The following ACACB variants were observed in gnomAD, a reference collection of about 807,000 sequenced individuals.
ACACB encodes the protein acetyl-CoA carboxylase 2.
In ACACB, 209 loss-of-function variants were observed where a neutral mutation model predicts 278.8. The ratio of observed to expected loss-of-function variants is 0.75; its 90% CI spans 0.67 to 0.84. ACACB has a LOEUF of 0.84. Ranked by LOEUF, ACACB falls within the 40% of genes least tolerant of loss-of-function variation. The pLI is 0.00. For synonymous variants in ACACB, 1,174 were observed against 1,285.6 expected, an observed-to-expected ratio of 0.91 and a Z score of 1.86; for missense variants, 2,850 against 3,269.0, an observed-to-expected ratio of 0.87 and a Z score of 3.13.
chr12:109,223,790 T>G, intron 26 of ACACB, 25 bp from the exon 27 acceptor site: 1 of 1,593,400 alleles, frequency 6.3e-7, no homozygotes, highest in Non-Finnish European at 8.6e-7. Flanking sequence ...TACTTTTCCT[T>G]GTTTCCCCTT....
intron 13 of ACACB, among the ~76,000 whole-genome samples, chr12:109,189,865 C>A (rs2044802941): frequency 6.6e-6 from 1 of 152,210 alleles, no homozygotes; most frequent in African/African-American, 2.4e-5. Flanking sequence ...AATCCCAGCA[C>A]TTTGGGAGGC....
chr12:109,248,654 AGCC>A (rs2047013295), intron 40 of ACACB, among the ~76,000 whole-genome samples: 1 of 152,168 alleles, frequency 6.6e-6, no homozygotes, highest in Non-Finnish European at 1.5e-5. Flanking sequence ...TGCTTTTTCT[AGCC>A]GCGCTGGCAG....
intron 40 of ACACB, 73 bp downstream of exon 40, chr12:109,247,776 G>A: frequency 2.3e-6 from 3 of 1,278,290 alleles, no homozygotes; most frequent in South Asian, 1.2e-5. Context: ...CTCGGGGCTT[G>A]TGGCGATATT....
chr12:109,238,617 T>C (rs973127801), intron 34 of ACACB, among the ~76,000 whole-genome samples: 2 of 149,496 alleles, frequency 1.3e-5, no homozygotes, highest in African/African-American at 2.5e-5. Flanking sequence ...CAGGCTGGAG[T>C]GCAATGGCAC....
intron 1 of ACACB, among the ~76,000 whole-genome samples, chr12:109,117,833 G>A (rs150266916): frequency 7.9e-5 from 12 of 152,146 alleles, no homozygotes; most frequent in African/African-American, 2.4e-4. Context: ...TGCAAGCTCC[G>A]CCTCCTGGGT....
chr12:109,146,787 G>A (rs1367784477), intron 2 of ACACB, among the ~76,000 whole-genome samples: 3 of 151,976 alleles, frequency 2.0e-5, no homozygotes, highest in Admixed American at 2.0e-4. Context: ...TGATCCTCCC[G>A]TCTCAGCCTC....
At chr12:109,121,093 C>T (rs547530255) in intron 1 of ACACB, among the ~76,000 whole-genome samples, 44 of 152,214 alleles carry the variant, frequency 2.9e-4, no homozygotes, top group Non-Finnish European at 5.1e-4. Context: ...GTGCATATCA[C>T]CACACTCGGC....
At chr12:109,154,506 A>C (rs1036783503) in intron 2 of ACACB, among the ~76,000 whole-genome samples, 1 of 152,128 alleles carries the variant, frequency 6.6e-6, no homozygotes, top group African/African-American at 2.4e-5. Flanking sequence ...AAAAATATAT[A>C]TCTCCGCAGC....
At position 109,246,442 on chromosome 12, in the gene ACACB, C is replaced by T; in HGVS notation, c.5565C>T (p.Pro1855=). The change falls in exon 39 of 53, where the codon CCC becomes CCT. Residue 1855 remains proline (P), a synonymous_variant. Transcript: ENST00000338432. The stretch of plus-strand genomic sequence containing the variant: ...TGGCTTGGGTGGACCCAGAAGACCC[C>T]CACAAAGTACGTCGTGAAACTGGCG... ...FHVAWVDPED[P]HKGFKYLYLT... 6.2e-7 allele frequency: 1 copy of T among 1,608,620 alleles called. No homozygotes were observed. The highest frequency in any genetic ancestry group is 1.3e-5 in the African/African-American group (1 of 74,834).
chr12:109,247,957 C>G (rs573461604), intron 40 of ACACB, among the ~76,000 whole-genome samples: 4 of 152,218 alleles, frequency 2.6e-5, no homozygotes, highest in African/African-American at 9.6e-5. Flanking sequence ...ATTGGATTCT[C>G]GTGAATCTCC....
Position 109,116,694 on chromosome 12 carries a change from G to A in ACACB, c.-20G>A, listed in dbSNP as rs2042409952. 6.6e-6 allele frequency: 1 copy of A among 152,264 alleles called. No homozygotes were observed. The highest frequency in any genetic ancestry group is 1.5e-5 in the Non-Finnish European group (1 of 68,104). The allele number at this position is 152,264 out of a possible 1,614,324, so 9.4% of individuals were successfully genotyped here. Reference sequence around the variant, plus strand: ...AGGACATGGCAAGAGAAAAGCGGCAGGAATAAAGTGGTAAGTCAGCTCGCC... The same window carrying A: ...AGGACATGGCAAGAGAAAAGCGGCAAGAATAAAGTGGTAAGTCAGCTCGCC... On this transcript the variant is annotated 5_prime_UTR_variant, in exon 1 of 53. Transcript: ENST00000338432.
intron 1 of ACACB, among the ~76,000 whole-genome samples, chr12:109,133,405 A>AT (rs1290075800): frequency 6.6e-6 from 1 of 151,702 alleles, no homozygotes; most frequent in Non-Finnish European, 1.5e-5. Context: ...TAATTTTTAT[A>AT]TTTTTTGTGG....
chr12:109,129,849 G>A (rs891031626), intron 1 of ACACB, among the ~76,000 whole-genome samples: 2 of 152,246 alleles, frequency 1.3e-5, no homozygotes, highest in East Asian at 3.8e-4. Flanking sequence ...AACCAAATGT[G>A]AATCCTTTCT....
At chr12:109,192,092 C>G in intron 15 of ACACB, 142 bp downstream of exon 15, 1 of 869,178 alleles carries the variant, frequency 1.2e-6, no homozygotes, top group Non-Finnish European at 1.8e-6. Flanking sequence ...CTGGGAAATT[C>G]CTCTACAGAT....
chr12:109,167,615 GTATGTGTATATATATATATATATATA>G (rs1370669915), intron 3 of ACACB, among the ~76,000 whole-genome samples: 25 of 65,490 alleles, frequency 3.8e-4, no homozygotes, highest in African/African-American at 1.8e-3. Context: ...AAAAATATAT[GTATGTGTATATATATATATATATATA>G]TATATATATA....
Position 109,242,457 on chromosome 12 carries a change from C to T in ACACB, c.5043C>T (p.Gly1681=). 1 of 1,613,866 alleles carries T rather than the reference C, an allele frequency of 6.2e-7. No homozygotes were observed. Among genetic ancestry groups the T allele is most frequent in the Non-Finnish European group, 8.5e-7 (1 of 1,179,830 alleles). The change falls in exon 37 of 53, where the codon GGC becomes GGT. Residue 1681 remains glycine, a synonymous_variant. Coordinates refer to ENST00000338432, the MANE Select transcript of ACACB (RefSeq NM_001093.4). ...RSGNIMFHSF[G]NKQGPQHGML... Reference sequence around the variant, plus strand: ...TCCAGATCATGTTTCACTCCTTCGGCAACAAGCAAGGGCCCCAGCACGGGA... The same window carrying T: ...TCCAGATCATGTTTCACTCCTTCGGTAACAAGCAAGGGCCCCAGCACGGGA...
chr12:109,150,246 T>C (rs2136072714), intron 2 of ACACB, among the ~76,000 whole-genome samples: 1 of 152,068 alleles, frequency 6.6e-6, no homozygotes, highest in Admixed American at 6.6e-5. Context: ...CTTTAGGAGA[T>C]TGTTGAGATC....
At chr12:109,192,295 G>A (rs535072777) in intron 15 of ACACB, among the ~76,000 whole-genome samples, 2 of 152,192 alleles carry the variant, frequency 1.3e-5, no homozygotes, top group Non-Finnish European at 2.9e-5. Flanking sequence ...CTCTACAAGC[G>A]GGTGCATTCC....
At chr12:109,112,353 CAG>C (rs531647563), upstream of ACACB, among the ~76,000 whole-genome samples, 70 of 151,052 alleles carry the variant, frequency 4.6e-4, 1 homozygote, top group Admixed American at 9.9e-4. Context: ...AAACAGTACA[CAG>C]AGCAGCTTCT....
Sources: allele counts gnomAD v4.1 joint callset (sites outside exome capture counted in the v4.1 genomes callset), GRCh38; gene constraint gnomAD v4.1.1; transcripts MANE v1.5; gene names NCBI Gene and HGNC (gene_info 2026-07-23, HGNC 2026-07-21).